The following RBFOX2 variants were observed in gnomAD, a reference collection of about 807,000 sequenced individuals.
RBFOX2 encodes the protein RNA binding fox-1 homolog 2.
A neutral mutation model predicts 49.1 loss-of-function variants in RBFOX2; 10 were observed. The ratio of observed to expected loss-of-function variants is 0.20; its 90% confidence interval spans 0.13 to 0.35. The LOEUF is 0.35. Among genes scored for constraint, RBFOX2 ranks in the 10% least tolerant of loss-of-function variants. The pLI is 1.00. For missense variants in RBFOX2, 323 were observed against 486.9 expected (o/e 0.66, Z 3.17); for synonymous variants, 183 against 187.4 (o/e 0.98, Z 0.19).
chr22:35,791,349 C>T (rs530991207), intron 2 of RBFOX2, among the ~76,000 whole-genome samples: 60 of 150,498 alleles, frequency 4.0e-4, no homozygotes, highest in African/African-American at 1.4e-3. Flanking sequence ...CGCACCATTG[C>T]ACTCCAGCCT....
intron 1 of RBFOX2, among the ~76,000 whole-genome samples, chr22:35,929,418 A>G (rs1358239183): frequency 2.0e-5 from 3 of 152,200 alleles, no homozygotes; most frequent in African/African-American, 7.2e-5. Flanking sequence ...AGCACTATTC[A>G]TAATAGCCAA....
At chr22:35,862,759 A>G (rs2043240705) in intron 1 of RBFOX2, among the ~76,000 whole-genome samples, 1 of 152,178 alleles carries the variant, frequency 6.6e-6, no homozygotes. Context: ...TAATTTGAGA[A>G]AAGTTATTTA....
In RBFOX2 at chr22:35,944,362, A is replaced by G. The variant is rs545483762; in HGVS notation, c.43-5465T>C. Among the ~76,000 whole-genome samples, 72 of 152,334 alleles carry G rather than the reference A, an allele frequency of 4.7e-4. 1 individual carries two copies. Among genetic ancestry groups the G allele is most frequent in the African/African-American group, 1.7e-3 (69 of 41,552 alleles). On this transcript the variant is annotated intron_variant, in intron 1 of 5. Coordinates refer to the RBFOX2 transcript ENST00000408983. ...CCGTTTTTCTAAATGCTTTTCTGGA[A>G]ATTATCAATATCATTTCTGAATGAT...
chr22:36,024,868 C>T (rs933220130), intron 1 of RBFOX2, among the ~76,000 whole-genome samples: 1 of 152,108 alleles, frequency 6.6e-6, no homozygotes. Flanking sequence ...AGTGCAATGG[C>T]GCAACCTCAG....
chr22:35,905,695 ATTATGGC>A (rs2049045796), intron 1 of RBFOX2, among the ~76,000 whole-genome samples: 1 of 152,200 alleles, frequency 6.6e-6, no homozygotes, highest in African/African-American at 2.4e-5. Flanking sequence ...TGTTTAATGA[ATTATGGC>A]TTATCCATAC....
upstream of RBFOX2, among the ~76,000 whole-genome samples, chr22:35,844,656 G>A (rs986315532): frequency 5.3e-5 from 8 of 149,956 alleles, no homozygotes; most frequent in East Asian, 3.9e-4. Context: ...CACCATGCCC[G>A]GCAGTTTTTT....
At chr22:35,937,528 A>T (rs1384926874) in intron 1 of RBFOX2, among the ~76,000 whole-genome samples, 15 of 152,180 alleles carry the variant, frequency 9.9e-5, no homozygotes, top group Admixed American at 9.8e-4. Context: ...AGGCCTGCAA[A>T]TAGGTGACTA....
At chr22:35,893,316 A>G (rs1307777089) in intron 1 of RBFOX2, among the ~76,000 whole-genome samples, 1 of 149,108 alleles carries the variant, frequency 6.7e-6, no homozygotes, top group Non-Finnish European at 1.5e-5. Context: ...GTTAATAAGT[A>G]AAAAAAAAAA....
intron 1 of RBFOX2, among the ~76,000 whole-genome samples, chr22:35,846,330 T>G (rs911142468): frequency 9.2e-4 from 129 of 140,476 alleles, no homozygotes; most frequent in African/African-American, 3.2e-3. Context: ...ATTTATATAG[T>G]TGTGTGTGTG....
chr22:35,751,746 A>G (rs1935011545), intron 9 of RBFOX2, among the ~76,000 whole-genome samples: 1 of 152,244 alleles, frequency 6.6e-6, no homozygotes, highest in Non-Finnish European at 1.5e-5. Context: ...ATTTTAAAGT[A>G]TTTAAATTTT....
intron 1 of RBFOX2, among the ~76,000 whole-genome samples, chr22:36,022,631 T>G (rs2059286873): frequency 6.6e-6 from 1 of 152,244 alleles, no homozygotes; most frequent in Non-Finnish European, 1.5e-5. Flanking sequence ...GTTACAGGCT[T>G]AATGTCTGTG....
rs1478698524 is a variant in RBFOX2, at chr22:36,028,464, C to T, written c.-39G>A. 14 of 1,159,350 alleles carry T rather than the reference C, an allele frequency of 1.2e-5. No individual in the cohort carries two copies. In the East Asian group the frequency reaches 2.8e-4, roughly 23 times the overall value. The allele number at this position is 1,159,350 out of a possible 1,614,324, so 71.8% of individuals were successfully genotyped here. On this transcript the variant is annotated 5_prime_UTR_variant, in exon 1 of 14. Transcript: ENST00000438146. ...CCTCGCCTCCGGGAGCCGGGCGACC[C>T]GCGACAGGCCACCTCCCCCTGGGCC...
intron 1 of RBFOX2, among the ~76,000 whole-genome samples, chr22:35,812,060 A>G (rs1380476728): frequency 2.6e-5 from 4 of 152,114 alleles, no homozygotes; most frequent in African/African-American, 9.7e-5. Context: ...CAGGAGTTCA[A>G]TACCAGCCTG....
At chr22:35,830,615 A>G (rs1333790436) in intron 1 of RBFOX2, among the ~76,000 whole-genome samples, 2 of 152,214 alleles carry the variant, frequency 1.3e-5, no homozygotes, top group African/African-American at 4.8e-5. Context: ...CTTGTACAGC[A>G]TGTGACTATA....
intron 1 of RBFOX2, among the ~76,000 whole-genome samples, chr22:36,006,860 T>C (rs1031908703): frequency 5.3e-5 from 8 of 152,342 alleles, no homozygotes; most frequent in Non-Finnish European, 1.0e-4. Flanking sequence ...TCCTCCATTA[T>C]GCTCCCATAG....
chr22:35,825,622 G>A (rs1955500641), intron 1 of RBFOX2, among the ~76,000 whole-genome samples: 1 of 152,138 alleles, frequency 6.6e-6, no homozygotes. Flanking sequence ...AAGCTCTCAA[G>A]GCCTTCGGTT....
intron 1 of RBFOX2, among the ~76,000 whole-genome samples, chr22:35,953,855 T>A (rs1317226054): frequency 6.6e-6 from 1 of 152,150 alleles, no homozygotes; most frequent in East Asian, 1.9e-4. Context: ...TTCAAAGTGG[T>A]TCTAAGCAAC....
chr22:35,877,217 G>C (rs1241684796), intron 1 of RBFOX2, among the ~76,000 whole-genome samples: 1 of 151,982 alleles, frequency 6.6e-6, no homozygotes, highest in Non-Finnish European at 1.5e-5. Flanking sequence ...GAAACAGCAA[G>C]ATTTAGAACA....
intron 1 of RBFOX2, among the ~76,000 whole-genome samples, chr22:36,013,013 C>T (rs930650634): frequency 5.9e-5 from 9 of 152,130 alleles, no homozygotes; most frequent in African/African-American, 1.9e-4. Context: ...ATTCGCCCGC[C>T]TCGGCTTCCC....
Sources: allele counts gnomAD v4.1 joint callset (sites outside exome capture counted in the v4.1 genomes callset), GRCh38; gene constraint gnomAD v4.1.1; transcripts MANE v1.5; gene names NCBI Gene and HGNC (gene_info 2026-07-23, HGNC 2026-07-21).